Variants in NUP58 observed in about 807,000 individuals in gnomAD.
NUP58 encodes the protein nucleoporin 58.
NUP58 carries 17 observed loss-of-function variants against 70.1 expected under a neutral mutation model. The observed-to-expected ratio is 0.24, with a 90% CI of 0.17 to 0.36. NUP58 has a LOEUF of 0.36. NUP58 is among the 10% of genes least tolerant of loss of function. The probability of loss-of-function intolerance (pLI) is 1.00; values close to 1 mark genes in which losing one functional copy is unlikely to be tolerated. For synonymous variants in NUP58, 275 were observed against 257.6 expected, an observed-to-expected ratio of 1.07 and a Z score of -0.65; for missense variants, 644 against 701.5, an observed-to-expected ratio of 0.92 and a Z score of 0.93.
At chr13:25,311,055 A>G (rs2030640885) in intron 3 of NUP58, among the ~76,000 whole-genome samples, 1 of 152,192 alleles carries the variant, frequency 6.6e-6, no homozygotes, top group Non-Finnish European at 1.5e-5. Context: ...ATGTAGAGGC[A>G]CCATGAAAGG....
intron 4 of NUP58, 124 bp from the exon 5 acceptor site, chr13:25,313,490 A>G: frequency 1.2e-6 from 1 of 845,252 alleles, no homozygotes. Flanking sequence ...ATTTTTAGCA[A>G]GTAGTTCTTC....
In NUP58 at chr13:25,301,764, C is replaced by G; in HGVS notation, c.-10C>G. ...TTCGCCTTGCTGACGGCGTCGAGCC[C>G]TGGCCAGACATGTCCACAGGGTTCT... On this transcript the variant is annotated 5_prime_UTR_variant, in exon 1 of 16. Transcript: ENST00000381736. 3 of 1,593,972 alleles carry G rather than the reference C, an allele frequency of 1.9e-6. No individual in the cohort carries two copies. The highest frequency in any genetic ancestry group is 2.6e-6 in the Non-Finnish European group (3 of 1,167,196).
At position 25,327,507 on chromosome 13, in the gene NUP58, G is replaced by A; in HGVS notation, c.1228G>A (p.Val410Ile). ...ACAACTTCAGTCTATTCATGAAAAT[G>A]TAAAGGTAAGTTTTCATTACCCATT... is the stretch of plus-strand genomic sequence containing the variant. ...AAQLQSIHEN[V>I]KVLKEQYLGY... is the part of the protein sequence containing the mutation. The change falls in exon 12 of 16, where the codon GTA (valine) becomes ATA (isoleucine). Residue 410 changes from valine to isoleucine, a missense_variant. Transcript: ENST00000381736. 3 of 1,605,880 alleles carry A rather than the reference G, an allele frequency of 1.9e-6. No homozygotes were observed. Among genetic ancestry groups the A allele is most frequent in the Non-Finnish European group, 2.6e-6 (3 of 1,174,914 alleles).
Position 25,317,586 on chromosome 13 carries a change from T to C in NUP58, c.686-1740T>C, listed in dbSNP as rs146213008. On this transcript the variant is annotated intron_variant, in intron 6 of 15. Coordinates refer to ENST00000381736, the MANE Select transcript of NUP58 (RefSeq NM_014089.4). ...AGTATTTACAAAATATAATAAAATG[T>C]CATATCAAAGAAATAATATGCTAGT... 2.1e-3 allele frequency: 321 copies of C among 152,260 alleles called. 3 individuals are homozygous for C. The highest frequency in any genetic ancestry group is 7.3e-3 in the African/African-American group (305 of 41,554). The allele number at this position is 152,260 out of a possible 1,614,324, so 9.4% of individuals were successfully genotyped here. A position where few individuals can be genotyped will look rare whatever the true frequency, so the allele number is the denominator to read the frequency against.
chr13:25,309,547 CTT>C, intron 3 of NUP58: 1 of 342,094 alleles, frequency 2.9e-6, no homozygotes, highest in Non-Finnish European at 5.2e-6. Context: ...TTTCATATTA[CTT>C]TTTTAGTCAT....
At chr13:25,319,176 G>A (rs1428875012) in intron 6 of NUP58, 150 bp from the exon 7 acceptor site, 5 of 748,470 alleles carry the variant, frequency 6.7e-6, no homozygotes, top group South Asian at 6.3e-5. Context: ...TTCATGATGA[G>A]TCATGACATC....
chr13:25,302,627 GAT>G (rs1196362962), intron 1 of NUP58, among the ~76,000 whole-genome samples: 1 of 152,180 alleles, frequency 6.6e-6, no homozygotes, highest in Non-Finnish European at 1.5e-5. Context: ...TTTAATGAGA[GAT>G]TTAAGCTTTA....
chr13:25,312,940 C>G lies in NUP58; in HGVS notation c.344C>G (p.Pro115Arg), dbSNP rs2030744915. 1 of 1,613,976 alleles carries G rather than the reference C, an allele frequency of 6.2e-7. No homozygotes were observed. Among genetic ancestry groups the G allele is most frequent in the African/African-American group, 1.3e-5 (1 of 74,922 alleles). The change falls in exon 4 of 16, where the codon CCT becomes CGT. Residue 115 changes from proline (P) to arginine (R), a missense_variant. Pro to Arg is a moderately radical substitution (Grantham distance 103). Transcript: ENST00000381736. The stretch of plus-strand genomic sequence containing the variant: ...GGCTTCAGTTTAGGATTCAATAAAC[C>G]TGCAGCATCTGCCACACCATTTGCT... ...TTGFSLGFNK[P>R]AASATPFALP...
chr13:25,324,884 G>A (rs959063398), intron 9 of NUP58, 105 bp from the exon 10 acceptor site: 2 of 752,186 alleles, frequency 2.7e-6, no homozygotes, highest in African/African-American at 1.8e-5. Flanking sequence ...CCAAGGTATT[G>A]TTTGAAGTTT....
At chr13:25,328,588 G>T (rs182942538) in intron 12 of NUP58, among the ~76,000 whole-genome samples, 408 of 151,862 alleles carry the variant, frequency 2.7e-3, no homozygotes, top group Admixed American at 6.3e-3. Context: ...GTAGAGACAG[G>T]GTTTTGCCAT....
At chr13:25,305,149 T>TG (rs1213480108) in intron 1 of NUP58, among the ~76,000 whole-genome samples, 8 of 115,938 alleles carry the variant, frequency 6.9e-5, no homozygotes, top group South Asian at 2.8e-4. Flanking sequence ...TTTTTTTTTT[T>TG]TTTTTTTTTT....
chr13:25,313,178 C>A, intron 4 of NUP58, 146 bp downstream of exon 4: 1 of 887,390 alleles, frequency 1.1e-6, no homozygotes, highest in Non-Finnish European at 1.7e-6. Context: ...GAGAGGCTGT[C>A]TTGATGTCCC....
At chr13:25,329,043 C>T (rs1207858633) in intron 12 of NUP58, among the ~76,000 whole-genome samples, 1 of 151,800 alleles carries the variant, frequency 6.6e-6, no homozygotes, top group Non-Finnish European at 1.5e-5. Flanking sequence ...AAACTGTAAC[C>T]CAAATCTTTA....
chr13:25,307,211 A>ATTTTT (rs72132780), intron 1 of NUP58, among the ~76,000 whole-genome samples: 1,576 of 98,260 alleles, frequency 0.016, 38 homozygotes, highest in Middle Eastern at 0.041. Flanking sequence ...CTGGTATTGT[A>ATTTTT]TTTTTTTTTT....
Position 25,320,570 on chromosome 13 carries a change from A to G in NUP58, c.751A>G (p.Ile251Val). The change falls in exon 8 of 16, where the codon ATC (isoleucine) becomes GTC (valine). Residue 251 changes from isoleucine to valine, a missense_variant. By Grantham distance (29) the Ile-to-Val change is conservative. Around this residue, in one of 4 missense-constraint regions of NUP58, gnomAD observed 430 missense variants for 409.2 expected, o/e 1.05. Coordinates refer to ENST00000381736, the MANE Select transcript of NUP58 (RefSeq NM_014089.4). The part of the protein sequence containing the change: ...ALKDENLPPV[I>V]CQDVENLQKF... ...GAAGGATGAAAATCTACCTCCTGTC[A>G]TCTGCCAGGATGTTGAAAATCTCCA... 6.2e-7 allele frequency: 1 copy of G among 1,610,628 alleles called. No individual in the cohort carries two copies. Among genetic ancestry groups the G allele is most frequent in the South Asian group, 1.1e-5 (1 of 90,928 alleles).
chr13:25,339,261 G>A (rs1316304748), intron 15 of NUP58, among the ~76,000 whole-genome samples: 2 of 151,974 alleles, frequency 1.3e-5, no homozygotes, highest in African/African-American at 4.8e-5. Context: ...GGTAAATATG[G>A]CTTGTTTTAA....
intron 9 of NUP58, among the ~76,000 whole-genome samples, chr13:25,321,406 G>A (rs2031178809): frequency 6.6e-6 from 1 of 152,112 alleles, no homozygotes; most frequent in South Asian, 2.1e-4. Context: ...AAGTTGAAGG[G>A]CCTGGATTCA....
intron 7 of NUP58, 129 bp from the exon 8 acceptor site, chr13:25,320,401 T>C: frequency 1.7e-6 from 1 of 600,920 alleles, no homozygotes; most frequent in Non-Finnish European, 2.9e-6. Context: ...TTTGAAATCA[T>C]CCAGAGAAGC....
intron 7 of NUP58, among the ~76,000 whole-genome samples, chr13:25,320,059 T>C (rs1434269718): frequency 1.3e-5 from 2 of 152,138 alleles, no homozygotes; most frequent in Non-Finnish European, 2.9e-5. Flanking sequence ...TTCATTCTAA[T>C]GCATGTTGAA....
Sources: allele counts gnomAD v4.1 joint callset (sites outside exome capture counted in the v4.1 genomes callset), GRCh38; gene constraint gnomAD v4.1.1; regional missense constraint gnomAD v4.1.1; transcripts MANE v1.5; gene names NCBI Gene and HGNC (gene_info 2026-07-23, HGNC 2026-07-21).